LRRC4C: variants seen among roughly 807,000 people sequenced by gnomAD.
LRRC4C encodes the protein leucine-rich repeat-containing protein 4C.
Under a neutral mutation model 33.6 loss-of-function variants are expected in LRRC4C, and 5 were observed. The ratio of observed to expected loss-of-function variants is 0.15; its 90% CI spans 0.08 to 0.31. The LOEUF (loss-of-function observed/expected upper bound fraction) is 0.31. Ranked by LOEUF, LRRC4C falls within the 10% of genes least tolerant of loss-of-function variation. LRRC4C has a pLI of 1.00. For missense variants in LRRC4C, 560 were observed against 796.7 expected (o/e 0.70, Z 3.58); for synonymous variants, 329 against 302.0 (o/e 1.09, Z -0.93).
At chr11:40,966,462 T>G (rs892474872) in intron 1 of LRRC4C, among the ~76,000 whole-genome samples, 5 of 151,890 alleles carry the variant, frequency 3.3e-5, no homozygotes, top group Admixed American at 6.6e-5. Context: ...AGGAGAAGGC[T>G]TCAGATATCT....
chr11:40,935,907 A>G (rs996041897), intron 1 of LRRC4C, among the ~76,000 whole-genome samples: 4 of 150,506 alleles, frequency 2.7e-5, no homozygotes, highest in African/African-American at 9.7e-5. Context: ...GCTATAAACT[A>G]GAGTAATAAC....
At chr11:40,772,482 T>C (rs776280243) in intron 2 of LRRC4C, among the ~76,000 whole-genome samples, 5 of 152,138 alleles carry the variant, frequency 3.3e-5, no homozygotes, top group Non-Finnish European at 7.4e-5. Flanking sequence ...TATAAGGAGC[T>C]CAAACAACTC....
rs1266953883 is a variant in LRRC4C at position 40,301,575 on chromosome 11, T to C, written c.-176+18053A>G. 2.0e-5 allele frequency among the ~76,000 whole-genome samples: 3 copies of C among 152,314 alleles called. No individual in the cohort carries two copies. In the East Asian group the frequency reaches 5.8e-4, roughly 29 times the overall value. Reference sequence around the variant, plus strand: ...TTAGCATCAGCCATGCAGTGCAGATTCAAGAAATGATAGCCTTGTTTTCCC... The same window carrying C: ...TTAGCATCAGCCATGCAGTGCAGATCCAAGAAATGATAGCCTTGTTTTCCC... On this transcript the variant is annotated intron_variant, in intron 4 of 6. Coordinates refer to ENST00000528697, the MANE Select transcript of LRRC4C (RefSeq NM_001258419.2).
chr11:40,918,687 C>T (rs947958146), intron 2 of LRRC4C, among the ~76,000 whole-genome samples: 13 of 152,066 alleles, frequency 8.5e-5, no homozygotes, highest in African/African-American at 2.9e-4. Flanking sequence ...TATCTTTGAG[C>T]ATGTCTTAAA....
intron 1 of LRRC4C, among the ~76,000 whole-genome samples, chr11:41,193,917 A>G (rs892004764): frequency 5.3e-5 from 8 of 152,032 alleles, no homozygotes; most frequent in African/African-American, 1.9e-4. Flanking sequence ...AGCCAAAAAG[A>G]GAGAAATTGT....
chr11:41,251,701 G>T (rs1948644455), intron 1 of LRRC4C, among the ~76,000 whole-genome samples: 3 of 152,120 alleles, frequency 2.0e-5, no homozygotes, highest in African/African-American at 7.2e-5. Context: ...TAATTATCGT[G>T]CCTTGCCTCT....
At chr11:41,168,207 C>T (rs1441477973) in intron 1 of LRRC4C, among the ~76,000 whole-genome samples, 5 of 152,144 alleles carry the variant, frequency 3.3e-5, no homozygotes, top group Non-Finnish European at 7.3e-5. Flanking sequence ...TGAATGACCA[C>T]CAGGCCAGCT....
chr11:40,991,204 TAAAAAAAA>T (rs1186155913), intron 1 of LRRC4C, among the ~76,000 whole-genome samples: 1 of 103,340 alleles, frequency 9.7e-6, no homozygotes, highest in Non-Finnish European at 1.9e-5. Context: ...TCCCAATATG[TAAAAAAAA>T]AAAAAAAAAA....
chr11:40,831,478 T>C (rs1952409308), intron 2 of LRRC4C, among the ~76,000 whole-genome samples: 1 of 152,090 alleles, frequency 6.6e-6, no homozygotes, highest in African/African-American at 2.4e-5. Flanking sequence ...ATTAAAATAA[T>C]ACAAAAATAA....
intron 1 of LRRC4C, among the ~76,000 whole-genome samples, chr11:41,063,077 A>G (rs939786937): frequency 6.6e-6 from 1 of 152,240 alleles, no homozygotes; most frequent in Non-Finnish European, 1.5e-5. Flanking sequence ...TAATGATTGC[A>G]TTAGTTTAAA....
At chr11:40,369,520 T>A (rs150631835) in intron 3 of LRRC4C, among the ~76,000 whole-genome samples, 1 of 152,120 alleles carries the variant, frequency 6.6e-6, no homozygotes, top group South Asian at 2.1e-4. Context: ...GTATTTTTAG[T>A]GGAGATGGGG....
At chr11:40,517,415 C>A (rs7925818) in intron 3 of LRRC4C, among the ~76,000 whole-genome samples, 86,039 of 151,914 alleles carry the variant, frequency 0.57, 24,713 homozygotes, top group East Asian at 0.79. Context: ...TGTTTAGAAA[C>A]ACTGAGGCTA....
At chr11:41,297,070 G>A (rs906683753) in intron 1 of LRRC4C, among the ~76,000 whole-genome samples, 2 of 152,046 alleles carry the variant, frequency 1.3e-5, no homozygotes, top group Non-Finnish European at 2.9e-5. Flanking sequence ...ATATCAAAAC[G>A]GTTGAGAGAT....
At position 40,513,248 on chromosome 11, in the gene LRRC4C, C is replaced by CAA. The variant is rs1171178910; in HGVS notation, c.-270+134892_-270+134893dup. Among the ~76,000 whole-genome samples the CAA allele has an allele frequency of 7.0e-3, 381 of 54,742 alleles. 6 individuals are homozygous for CAA. The highest frequency in any genetic ancestry group is 8.6e-3 in the Non-Finnish European group (232 of 27,130). 35.9% of individuals were successfully genotyped at this position (54,742 alleles called of 152,430 possible). Reference sequence around the variant, plus strand: ...TGGGCGACAGAGTGAGACTCCGTCTCAAAAAAAAAAAAAAAAAAAAAGAAA... The same window carrying CAA: ...TGGGCGACAGAGTGAGACTCCGTCTCAAAAAAAAAAAAAAAAAAAAAAAGAAA... On this transcript the variant is annotated intron_variant, in intron 3 of 6. Transcript: ENST00000528697.
At chr11:41,432,446 C>G (rs1486131241) in intron 1 of LRRC4C, among the ~76,000 whole-genome samples, 1 of 151,942 alleles carries the variant, frequency 6.6e-6, no homozygotes, top group Non-Finnish European at 1.5e-5. Flanking sequence ...CAATGCTTTC[C>G]TGGGTAGAAA....
intron 5 of LRRC4C, among the ~76,000 whole-genome samples, chr11:40,236,473 T>G (rs1314954042): frequency 1.3e-5 from 2 of 152,200 alleles, no homozygotes; most frequent in East Asian, 3.9e-4. Context: ...ATCTGTTAAT[T>G]CTTTATTTCA....
chr11:41,308,761 A>G (rs2137160935), intron 1 of LRRC4C, among the ~76,000 whole-genome samples: 2 of 152,230 alleles, frequency 1.3e-5, no homozygotes, highest in East Asian at 1.9e-4. Context: ...CATTGGGCCA[A>G]ACGCAAACAG....
intron 5 of LRRC4C, among the ~76,000 whole-genome samples, chr11:40,240,343 T>C (rs1017909363): frequency 6.6e-6 from 1 of 152,176 alleles, no homozygotes; most frequent in Non-Finnish European, 1.5e-5. Context: ...CTTATGTAAA[T>C]AAATATCTGA....
intron 2 of LRRC4C, among the ~76,000 whole-genome samples, chr11:40,763,367 A>C (rs2137092177): frequency 6.6e-6 from 1 of 152,222 alleles, no homozygotes; most frequent in East Asian, 1.9e-4. Flanking sequence ...ACTATCAAGA[A>C]ATATAAATAG....
Sources: allele counts gnomAD v4.1 joint callset (sites outside exome capture counted in the v4.1 genomes callset), GRCh38; gene constraint gnomAD v4.1.1; transcripts MANE v1.5; gene names NCBI Gene and HGNC (gene_info 2026-07-23, HGNC 2026-07-21).